Variants in ZBTB8OS observed in about 807,000 individuals in gnomAD.
ZBTB8OS encodes tRNA splicing ligase complex subunit 1.
A neutral mutation model predicts 29.3 loss-of-function variants in ZBTB8OS; 16 were observed. The ratio of observed to expected loss-of-function variants is 0.55; its 90% CI spans 0.37 to 0.83. The LOEUF (loss-of-function observed/expected upper bound fraction) is 0.83. Ranked by LOEUF, ZBTB8OS falls within the 40% of genes least tolerant of loss-of-function variation. The pLI is 0.00. For synonymous variants in ZBTB8OS, 70 were observed against 64.6 expected (o/e 1.08, Z -0.40); for missense variants, 160 against 196.9 (o/e 0.81, Z 1.12).
Position 32,633,685 on chromosome 1 carries a change from C to T in ZBTB8OS, c.287G>A (p.Trp96Ter). Residue 96 changes from tryptophan (W) to a stop codon, truncating the protein, a stop_gained, in exon 4 of 7, where the codon TGG (tryptophan) becomes TAG (stop). Coordinates refer to ENST00000468695, the MANE Select transcript of ZBTB8OS (RefSeq NM_178547.5). LOFTEE classifies it high-confidence loss of function. ...QSLLFHFLDE[W>*]LYKFSADEFF... ...TTCATCAGCACTGAACTTATAAAGC[C>T]ATTCATCCAAAAAGTGAAACAGAAG... The T allele has an allele frequency of 6.2e-7, 1 of 1,610,296 alleles. No homozygotes were observed. The highest frequency in any genetic ancestry group is 1.1e-5 in the South Asian group (1 of 89,726).
chr1:32,636,607 T>C (rs942480630), intron 1 of ZBTB8OS, among the ~76,000 whole-genome samples: 6 of 151,328 alleles, frequency 4.0e-5, no homozygotes, highest in Admixed American at 2.6e-4. Context: ...GGAGAATAGC[T>C]TGAACCCAGG....
At chr1:32,634,266 G>A (rs1025978644) in intron 2 of ZBTB8OS, 194 bp from the exon 3 acceptor site, 20 of 402,966 alleles carry the variant, frequency 5.0e-5, no homozygotes, top group Admixed American at 8.7e-5. Flanking sequence ...TCACTCTGTT[G>A]CCCAAGCTGG....
intron 5 of ZBTB8OS, among the ~76,000 whole-genome samples, chr1:32,629,535 G>C (rs1482825637): frequency 6.6e-6 from 1 of 152,114 alleles, no homozygotes; most frequent in African/African-American, 2.4e-5. Flanking sequence ...CTATAATACA[G>C]TCCGAACTTG....
chr1:32,623,945 G>A (rs1031043506), intron 6 of ZBTB8OS, among the ~76,000 whole-genome samples: 6 of 152,086 alleles, frequency 3.9e-5, no homozygotes, highest in Non-Finnish European at 5.9e-5. Context: ...ATTGAATCAC[G>A]GGGGCGGTTT....
intron 1 of ZBTB8OS, among the ~76,000 whole-genome samples, chr1:32,635,464 G>T (rs1331566187): frequency 6.6e-6 from 1 of 151,982 alleles, no homozygotes; most frequent in Non-Finnish European, 1.5e-5. Context: ...TAGAGATGGG[G>T]TTTCACCATG....
At chr1:32,646,301 G>A (rs557100903) in intron 1 of ZBTB8OS, among the ~76,000 whole-genome samples, 102 of 151,662 alleles carry the variant, frequency 6.7e-4, no homozygotes, top group Non-Finnish European at 1.2e-3. Context: ...CAGCTTGGGT[G>A]ACAGAATGAG....
At chr1:32,649,035 C>T (rs1411955736) in intron 1 of ZBTB8OS, among the ~76,000 whole-genome samples, 5 of 136,476 alleles carry the variant, frequency 3.7e-5, no homozygotes, top group South Asian at 2.4e-4. Flanking sequence ...GGTGTGATCT[C>T]GGCTCACTGC....
chr1:32,647,766 C>G (rs1343658021), intron 1 of ZBTB8OS, among the ~76,000 whole-genome samples: 1 of 152,184 alleles, frequency 6.6e-6, no homozygotes, highest in African/African-American at 2.4e-5. Flanking sequence ...TACAAGAAAA[C>G]AAGTTCAGGG....
Position 32,646,451 on chromosome 1 carries a change from A to G in ZBTB8OS, c.97+3982T>C, listed in dbSNP as rs562069752. ...TGCCCAGGCTGGAGTGCAGTGGTGC[A>G]ATCTCGGCTCACTGCAAGCTCCGCC... On this transcript the variant is annotated intron_variant, in intron 1 of 6. Coordinates refer to ENST00000468695, the MANE Select transcript of ZBTB8OS (RefSeq NM_178547.5). Among the ~76,000 whole-genome samples the G allele has an allele frequency of 2.3e-3, 345 of 151,540 alleles. 2 individuals carry two copies. The highest frequency in any genetic ancestry group is 7.9e-3 in the African/African-American group (328 of 41,308).
intron 1 of ZBTB8OS, among the ~76,000 whole-genome samples, chr1:32,641,705 A>G (rs1190013294): frequency 1.3e-5 from 2 of 150,112 alleles, no homozygotes; most frequent in Non-Finnish European, 3.0e-5. Context: ...CGAGATCAGC[A>G]GATCGAGACC....
intron 1 of ZBTB8OS, among the ~76,000 whole-genome samples, chr1:32,640,423 G>A (rs1021564302): frequency 1.3e-5 from 2 of 151,882 alleles, no homozygotes; most frequent in Admixed American, 6.6e-5. Context: ...TTTTTTCAAC[G>A]TTAGTTGCAA....
At chr1:32,646,740 A>AT (rs1439313151) in intron 1 of ZBTB8OS, among the ~76,000 whole-genome samples, 4 of 151,784 alleles carry the variant, frequency 2.6e-5, no homozygotes, top group Admixed American at 6.6e-5. Flanking sequence ...CTTAGAAGCC[A>AT]TAAAAAAAAG....
At chr1:32,645,786 T>C (rs1254746500) in intron 1 of ZBTB8OS, among the ~76,000 whole-genome samples, 3 of 152,014 alleles carry the variant, frequency 2.0e-5, no homozygotes, top group Admixed American at 6.6e-5. Context: ...TGGGGCCAGT[T>C]TTACCAACCA....
rs1016471037 is a variant in ZBTB8OS, at chr1:32,627,520, G to A, written c.405C>T (p.Ser135=). The change falls in exon 6 of 7, where the codon TCC becomes TCT. Residue 135 remains serine, a synonymous_variant. Transcript: ENST00000468695. ...SIGWGEEFSL[S]KHPQGTEVKA... ...TTTTAAAACATACCTGAGGGTGCTT[G>A]GACAATGAAAATTCTTCTCCCCACC... The A allele has an allele frequency of 6.2e-7, 1 of 1,613,592 alleles. No individual in the cohort carries two copies. The highest frequency in any genetic ancestry group is 8.5e-7 in the Non-Finnish European group (1 of 1,179,732).
At position 32,627,534 on chromosome 1, in the gene ZBTB8OS, C is replaced by A; in HGVS notation, c.391G>T (p.Glu131Ter). The A allele has an allele frequency of 6.2e-7, 1 of 1,613,558 alleles. No individual in the cohort carries two copies. The highest frequency in any genetic ancestry group is 8.5e-7 in the Non-Finnish European group (1 of 1,179,682). Residue 131 changes from glutamate (E) to a stop codon, truncating the protein, a stop_gained, in exon 6 of 7, where the codon GAA becomes TAA. Transcript: ENST00000468695. LOFTEE classifies it high-confidence loss of function. Reference protein sequence around the residue: ...FKLRSIGWGEEFSLSKHPQGT... With the variant: ...FKLRSIGWGE Reference sequence around the variant, plus strand: ...TGAGGGTGCTTGGACAATGAAAATTCTTCTCCCCACCTTGAGAATACAAAT... The same window carrying A: ...TGAGGGTGCTTGGACAATGAAAATTATTCTCCCCACCTTGAGAATACAAAT...
chr1:32,630,036 C>T (rs1645426683), intron 5 of ZBTB8OS, among the ~76,000 whole-genome samples: 1 of 151,982 alleles, frequency 6.6e-6, no homozygotes, highest in Non-Finnish European at 1.5e-5. Context: ...CAGGCGTGAG[C>T]CACTGCACCC....
At chr1:32,625,853 GAGA>G (rs1645090247) in intron 6 of ZBTB8OS, among the ~76,000 whole-genome samples, 1 of 151,982 alleles carries the variant, frequency 6.6e-6, no homozygotes, top group Non-Finnish European at 1.5e-5. Context: ...ATGGTGGTCT[GAGA>G]AGATTATAAT....
At chr1:32,650,306 C>T (rs755164759) in intron 1 of ZBTB8OS, 127 bp downstream of exon 1, 5 of 1,289,542 alleles carry the variant, frequency 3.9e-6, no homozygotes, top group Non-Finnish European at 5.4e-6. Flanking sequence ...CTACAACAGC[C>T]GGCACAAATG....
At chr1:32,640,359 C>G (rs1476364736) in intron 1 of ZBTB8OS, among the ~76,000 whole-genome samples, 1 of 152,148 alleles carries the variant, frequency 6.6e-6, no homozygotes, top group African/African-American at 2.4e-5. Context: ...CTCTCGGCCT[C>G]CCAAAGTGCT....
Sources: allele counts gnomAD v4.1 joint callset (sites outside exome capture counted in the v4.1 genomes callset), GRCh38; gene constraint gnomAD v4.1.1; transcripts MANE v1.5; gene names NCBI Gene and HGNC (gene_info 2026-07-23, HGNC 2026-07-21).